The following ASAP2 variants were observed in gnomAD, a reference collection of about 807,000 sequenced individuals.
ASAP2 encodes ArfGAP with SH3 domain, ankyrin repeat and PH domain 2.
ASAP2 carries 45 observed loss-of-function variants against 131.4 expected under a neutral mutation model. The observed-to-expected ratio is 0.34, with a 90% CI of 0.27 to 0.44. The LOEUF is 0.44. Ranked by LOEUF, ASAP2 falls within the 20% of genes least tolerant of loss-of-function variation. The probability of loss-of-function intolerance (pLI) is 1.00; values close to 1 mark genes in which losing one functional copy is unlikely to be tolerated. For synonymous variants in ASAP2, 510 were observed against 503.0 expected, an observed-to-expected ratio of 1.01 and a Z score of -0.19; for missense variants, 1,011 against 1,297.0, an observed-to-expected ratio of 0.78 and a Z score of 3.39.
intron 1 of ASAP2, among the ~76,000 whole-genome samples, chr2:9,252,847 C>G (rs924422866): frequency 6.9e-6 from 1 of 144,728 alleles, no homozygotes; most frequent in Non-Finnish European, 1.5e-5. Flanking sequence ...ACCCAGGAGG[C>G]GGAGCTTGCA....
Position 9,368,413 on chromosome 2 carries a change from T to C in ASAP2, c.1462-12T>C, listed in dbSNP as rs1673646333. 1 of 1,612,274 alleles carries C rather than the reference T, an allele frequency of 6.2e-7. No individual in the cohort carries two copies. Among genetic ancestry groups the C allele is most frequent in the African/African-American group, 1.3e-5 (1 of 74,880 alleles). On this transcript the variant is annotated splice_polypyrimidine_tract_variant and intron_variant, in intron 15 of 27. Coordinates refer to ENST00000281419, the MANE Select transcript of ASAP2 (RefSeq NM_003887.3). Reference sequence around the variant, plus strand: ...TAATTGAGTATCCTGAAATAGACTTTCATTTTTGCAGCTCGCCAAGAATAT... The same window carrying C: ...TAATTGAGTATCCTGAAATAGACTTCCATTTTTGCAGCTCGCCAAGAATAT...
rs187480493 is a variant in ASAP2, at chr2:9,253,312, C to T, written c.127-26005C>T. On this transcript the variant is annotated intron_variant, in intron 1 of 27. Coordinates refer to ENST00000281419, the MANE Select transcript of ASAP2 (RefSeq NM_003887.3). ...CTGAGTAGCTGGGATTACAGGTGCC[C>T]GCCACCACACCTGGCTAATTTTTGT... Among the ~76,000 whole-genome samples, 21 of 152,018 alleles carry T rather than the reference C, an allele frequency of 1.4e-4. No homozygotes were observed. The East Asian group carries it at 2.3e-3, about 17-fold the overall frequency.
chr2:9,326,414 A>G (rs965193435), intron 6 of ASAP2, among the ~76,000 whole-genome samples: 2 of 152,188 alleles, frequency 1.3e-5, no homozygotes, highest in Admixed American at 1.3e-4. Context: ...AAATTCATTT[A>G]ATAAAGAAAT....
intron 27 of ASAP2, among the ~76,000 whole-genome samples, chr2:9,402,428 G>A (rs1311073595): frequency 1.3e-5 from 2 of 152,116 alleles, no homozygotes; most frequent in Non-Finnish European, 2.9e-5. Flanking sequence ...TCAGGAGTTC[G>A]AGACCAGCCT....
At position 9,393,658 on chromosome 2, in the gene ASAP2, C is replaced by A; in HGVS notation, c.2684+11C>A. On this transcript the variant is annotated intron_variant, in intron 24 of 27. Transcript: ENST00000281419. ...GAAGCCTGCGCCGGGGTAAGCCACC[C>A]CCAGCCAGCTCGGCCATCCGTGCTC... The A allele has an allele frequency of 6.4e-7, 1 of 1,557,232 alleles. No homozygotes were observed.
intron 27 of ASAP2, among the ~76,000 whole-genome samples, chr2:9,402,153 G>T (rs1378988610): frequency 6.6e-6 from 1 of 152,240 alleles, no homozygotes; most frequent in Non-Finnish European, 1.5e-5. Flanking sequence ...TCTTTGTCGA[G>T]TGCGAGGAGT....
At chr2:9,343,833 C>CT (rs1671768356) in intron 9 of ASAP2, among the ~76,000 whole-genome samples, 1 of 152,184 alleles carries the variant, frequency 6.6e-6, no homozygotes, top group Non-Finnish European at 1.5e-5. Flanking sequence ...CTAGTCCTCG[C>CT]TTACCCTAAG....
chr2:9,359,217 G>A (rs866392674), intron 15 of ASAP2, among the ~76,000 whole-genome samples: 8 of 152,234 alleles, frequency 5.3e-5, no homozygotes, highest in Non-Finnish European at 7.3e-5. Flanking sequence ...GGAATGCAAC[G>A]TCTAAAGACA....
chr2:9,354,618 C>T (rs1672568060), intron 12 of ASAP2, among the ~76,000 whole-genome samples: 1 of 150,722 alleles, frequency 6.6e-6, no homozygotes, highest in Admixed American at 6.6e-5. Flanking sequence ...TCCACTCCAA[C>T]CTGGGCAGCA....
intron 6 of ASAP2, 135 bp downstream of exon 6, chr2:9,323,385 T>G (rs1192071497): frequency 7.5e-7 from 1 of 1,334,478 alleles, no homozygotes; most frequent in Non-Finnish European, 1.0e-6. Flanking sequence ...TGCCCCTGTG[T>G]TGACATTTCT....
intron 7 of ASAP2, among the ~76,000 whole-genome samples, chr2:9,331,566 A>G (rs1015150400): frequency 2.0e-5 from 3 of 152,084 alleles, no homozygotes; most frequent in African/African-American, 7.2e-5. Flanking sequence ...TCAGGAGTTC[A>G]AGACCAGCCT....
At chr2:9,253,472 C>T (rs952865575) in intron 1 of ASAP2, among the ~76,000 whole-genome samples, 8 of 152,126 alleles carry the variant, frequency 5.3e-5, no homozygotes, top group Admixed American at 3.9e-4. Context: ...CCAAAATTCA[C>T]GTTTTAAATG....
At chr2:9,368,563 G>A in intron 16 of ASAP2, 44 bp downstream of exon 16, 1 of 1,567,452 alleles carries the variant, frequency 6.4e-7, no homozygotes, top group Non-Finnish European at 8.8e-7. Flanking sequence ...GTAAAGGTTT[G>A]CCTTTGCCCG....
chr2:9,286,500 A>G (rs1667480224), intron 2 of ASAP2, among the ~76,000 whole-genome samples: 1 of 152,110 alleles, frequency 6.6e-6, no homozygotes, highest in African/African-American at 2.4e-5. Flanking sequence ...AGAAAATAAC[A>G]AAATCAGAAT....
chr2:9,363,743 T>A (rs1178140176), intron 15 of ASAP2, among the ~76,000 whole-genome samples: 2 of 152,164 alleles, frequency 1.3e-5, no homozygotes, highest in East Asian at 1.9e-4. Flanking sequence ...GCTAATTTTT[T>A]AAAATTTTTC....
Position 9,380,771 on chromosome 2 carries a change from T to C in ASAP2, c.1979T>C (p.Ile660Thr), listed in dbSNP as rs1192248606. The C allele has an allele frequency of 1.1e-5, 18 of 1,614,050 alleles. No individual in the cohort carries two copies. Among genetic ancestry groups the C allele is most frequent in the Non-Finnish European group, 1.5e-5 (18 of 1,180,044 alleles). The change falls in exon 20 of 28, where the codon ATT becomes ACT. Residue 660 changes from isoleucine (I) to threonine (T), a missense_variant. Coordinates refer to ENST00000281419, the MANE Select transcript of ASAP2 (RefSeq NM_003887.3). ...ANESGETPLD[I>T]AKRLKHEHCE... Reference sequence around the variant, plus strand: ...GAGTCAGGAGAGACTCCGCTGGACATTGCCAAGCGCCTCAAGCACGAGCAC... The same window carrying C: ...GAGTCAGGAGAGACTCCGCTGGACACTGCCAAGCGCCTCAAGCACGAGCAC...
At chr2:9,339,174 A>G (rs563102478) in intron 9 of ASAP2, among the ~76,000 whole-genome samples, 1 of 152,262 alleles carries the variant, frequency 6.6e-6, no homozygotes, top group Non-Finnish European at 1.5e-5. Context: ...GCATGACCTC[A>G]TCTCCAAAAC....
intron 6 of ASAP2, among the ~76,000 whole-genome samples, chr2:9,326,645 T>G (rs558700964): frequency 2.0e-5 from 3 of 152,318 alleles, no homozygotes; most frequent in African/African-American, 7.2e-5. Flanking sequence ...ATGTATACAT[T>G]CAAAAAAAAT....
intron 15 of ASAP2, among the ~76,000 whole-genome samples, chr2:9,361,260 G>C (rs1312904609): frequency 6.6e-6 from 1 of 152,176 alleles, no homozygotes; most frequent in Non-Finnish European, 1.5e-5. Context: ...TGGTTATCAG[G>C]AAAAGTAGAG....
Sources: gnomAD v4.1 joint callset for allele counts (sites outside exome capture counted in the v4.1 genomes callset) on GRCh38, gnomAD v4.1.1 for gene constraint, MANE v1.5 for transcripts, NCBI Gene and HGNC (gene_info 2026-07-23, HGNC 2026-07-21) for gene names.